ZNF407: variants seen among roughly 807,000 people sequenced by gnomAD.
ZNF407 encodes the protein zinc finger protein 407.
ZNF407 carries 17 observed loss-of-function variants against 131.2 expected under a neutral mutation model. That is an observed-to-expected ratio of 0.13 (90% CI 0.09 to 0.19). The LOEUF (loss-of-function observed/expected upper bound fraction) is 0.19. Among genes scored for constraint, ZNF407 ranks in the 10% least tolerant of loss-of-function variants. The pLI is 1.00. For missense variants in ZNF407, 2,681 were observed against 2,830.6 expected, an observed-to-expected ratio of 0.95 and a Z score of 1.20; for synonymous variants, 1,156 against 1,062.0, an observed-to-expected ratio of 1.09 and a Z score of -1.72.
chr18:74,871,511 GTT>G (rs146482430), intron 4 of ZNF407, among the ~76,000 whole-genome samples: 1 of 151,148 alleles, frequency 6.6e-6, no homozygotes, highest in Non-Finnish European at 1.5e-5. Context: ...ATACCTGTCA[GTT>G]TTTTTTTAAC....
chr18:75,025,409 C>G (rs943851890), intron 8 of ZNF407, among the ~76,000 whole-genome samples: 2 of 152,226 alleles, frequency 1.3e-5, no homozygotes, highest in African/African-American at 4.8e-5. Context: ...GGCCACACAA[C>G]AGCAGGGTAT....
At chr18:74,667,614 A>C (rs1985982095) in intron 3 of ZNF407, among the ~76,000 whole-genome samples, 1 of 152,182 alleles carries the variant, frequency 6.6e-6, no homozygotes, top group East Asian at 1.9e-4. Flanking sequence ...CAGACTTAGG[A>C]TAAGCGACAT....
intron 8 of ZNF407, among the ~76,000 whole-genome samples, chr18:74,927,066 G>C (rs191833694): frequency 1.3e-5 from 2 of 152,300 alleles, no homozygotes; most frequent in East Asian, 3.9e-4. Context: ...TGTTTTTCAT[G>C]CTATCACATT....
At chr18:74,970,678 C>G (rs530811843) in intron 8 of ZNF407, among the ~76,000 whole-genome samples, 1 of 152,228 alleles carries the variant, frequency 6.6e-6, no homozygotes, top group African/African-American at 2.4e-5. Flanking sequence ...TATAGCCCCC[C>G]TCCTGGCTGC....
intron 8 of ZNF407, among the ~76,000 whole-genome samples, chr18:74,999,195 TGGTGG>T (rs1972812607): frequency 1.3e-5 from 1 of 77,828 alleles, no homozygotes; most frequent in African/African-American, 5.0e-5. Flanking sequence ...CTGGGGACTG[TGGTGG>T]GGTCGGGGGA....
chr18:74,982,977 A>G (rs1430924520), intron 8 of ZNF407, among the ~76,000 whole-genome samples: 2 of 152,128 alleles, frequency 1.3e-5, no homozygotes, highest in African/African-American at 2.4e-5. Flanking sequence ...TTTTCCTTTT[A>G]TCATCATTTA....
At chr18:74,961,037 A>G (rs1022558648) in intron 8 of ZNF407, among the ~76,000 whole-genome samples, 9 of 150,116 alleles carry the variant, frequency 6.0e-5, no homozygotes, top group East Asian at 2.0e-4. Flanking sequence ...GGGATAGGAG[A>G]AGGTCCTGAG....
intron 6 of ZNF407, among the ~76,000 whole-genome samples, chr18:74,883,459 G>T (rs1018320560): frequency 2.1e-4 from 32 of 152,136 alleles, no homozygotes; most frequent in African/African-American, 7.2e-4. Context: ...AATCAGCTTG[G>T]AAAGGAATAC....
chr18:74,983,226 G>A (rs1466758603), intron 8 of ZNF407, among the ~76,000 whole-genome samples: 1 of 151,700 alleles, frequency 6.6e-6, no homozygotes, highest in Non-Finnish European at 1.5e-5. Context: ...GCTGTTTCAC[G>A]CTTTATGGTC....
rs1968234467 is a variant in ZNF407, at chr18:74,729,278, AGTGCTAGCTTTCAG to A, written c.4803-52149_4803-52136del. On this transcript the variant is annotated intron_variant, in intron 3 of 8. Coordinates refer to ENST00000299687, the MANE Select transcript of ZNF407 (RefSeq NM_017757.3). ...GAACATCTACTTTGTCCTTGGGGGA[AGTGCTAGCTTTCAG>A]CAAAGGAGGAGAATTGCCTGTGAAA... is the stretch of plus-strand genomic sequence containing the variant. 4.6e-5 allele frequency among the ~76,000 whole-genome samples: 7 copies of A among 152,344 alleles called. No homozygotes were observed. In the South Asian group the frequency reaches 1.4e-3, roughly 32 times the overall value.
At chr18:74,943,052 GC>G (rs1972117611) in intron 8 of ZNF407, among the ~76,000 whole-genome samples, 1 of 151,812 alleles carries the variant, frequency 6.6e-6, no homozygotes, top group African/African-American at 2.4e-5. Context: ...GGTAACTGGG[GC>G]TACAGGCACA....
At chr18:74,787,007 A>C (rs771910958) in intron 4 of ZNF407, among the ~76,000 whole-genome samples, 1 of 151,518 alleles carries the variant, frequency 6.6e-6, no homozygotes, top group Non-Finnish European at 1.5e-5. Flanking sequence ...GGGTTTCATC[A>C]TGTTGGCCAG....
intron 7 of ZNF407, among the ~76,000 whole-genome samples, chr18:74,898,936 A>G (rs1438261634): frequency 3.9e-5 from 6 of 152,236 alleles, no homozygotes; most frequent in African/African-American, 1.4e-4. Context: ...TAAAAACCTC[A>G]GATATCTTTG....
At chr18:75,033,620 A>G (rs1365531955) in intron 8 of ZNF407, among the ~76,000 whole-genome samples, 1 of 152,230 alleles carries the variant, frequency 6.6e-6, no homozygotes, top group Non-Finnish European at 1.5e-5. Context: ...GCGGTCATTT[A>G]TTACCATGCC....
intron 3 of ZNF407, among the ~76,000 whole-genome samples, chr18:74,676,562 G>A (rs192357782): frequency 2.2e-4 from 33 of 150,808 alleles, no homozygotes; most frequent in South Asian, 1.9e-3. Context: ...TCAACCTCCC[G>A]AGTAGCTGGG....
chr18:74,888,681 A>T (rs570325898), intron 6 of ZNF407, among the ~76,000 whole-genome samples: 160 of 152,334 alleles, frequency 1.1e-3, no homozygotes, highest in African/African-American at 3.5e-3. Flanking sequence ...ATTAATTAAA[A>T]TTAAATATCC....
intron 3 of ZNF407, among the ~76,000 whole-genome samples, chr18:74,647,112 C>CT (rs941826790): frequency 6.8e-4 from 101 of 148,440 alleles, no homozygotes; most frequent in Admixed American, 2.3e-3. Flanking sequence ...TCTTCTTCTT[C>CT]TTTTTTTTTT....
chr18:74,916,017 A>T (rs113405076), intron 7 of ZNF407, among the ~76,000 whole-genome samples: 54 of 54 alleles, frequency 1, 27 homozygotes, highest in Non-Finnish European at 1. Context: ...GCTGGTATGG[A>T]GAGGTTGTGT....
intron 3 of ZNF407, among the ~76,000 whole-genome samples, chr18:74,651,139 A>G (rs1174031807): frequency 3.3e-5 from 5 of 152,116 alleles, no homozygotes; most frequent in African/African-American, 1.2e-4. Context: ...AAACCCTGTT[A>G]CTGTCATCCT....
Sources: allele counts gnomAD v4.1 joint callset (sites outside exome capture counted in the v4.1 genomes callset), GRCh38; gene constraint gnomAD v4.1.1; transcripts MANE v1.5; gene names NCBI Gene and HGNC (gene_info 2026-07-23, HGNC 2026-07-21).